The following FAT3 variants were observed in gnomAD, a reference collection of about 807,000 sequenced individuals.
The protein encoded by FAT3 is protocadherin Fat 3.
Under a neutral mutation model 310.2 loss-of-function variants are expected in FAT3, and 95 were observed. The observed-to-expected ratio is 0.31, with a 90% confidence interval of 0.26 to 0.36. The LOEUF (loss-of-function observed/expected upper bound fraction) is 0.36, where lower values mean the gene tolerates loss of function less well. Among genes scored for constraint, FAT3 ranks in the 10% least tolerant of loss-of-function variants. FAT3 has a pLI of 1.00. For missense variants in FAT3, 5,408 were observed against 5,715.6 expected, an observed-to-expected ratio of 0.95 and a Z score of 1.74; for synonymous variants, 2,314 against 2,192.9, an observed-to-expected ratio of 1.06 and a Z score of -1.54.
intron 4 of FAT3, among the ~76,000 whole-genome samples, chr11:92,755,569 G>A (rs1362331365): frequency 1.3e-5 from 2 of 152,070 alleles, no homozygotes; most frequent in East Asian, 3.9e-4. Flanking sequence ...AGTTACATGA[G>A]GTAATATATA....
chr11:92,425,380 C>A (rs1259620581), intron 2 of FAT3, among the ~76,000 whole-genome samples: 1 of 151,822 alleles, frequency 6.6e-6, no homozygotes, highest in Non-Finnish European at 1.5e-5. Context: ...AAGCCACTTC[C>A]TTTTTCTTAT....
At chr11:92,421,894 C>T (rs1950540142) in intron 2 of FAT3, among the ~76,000 whole-genome samples, 1 of 152,146 alleles carries the variant, frequency 6.6e-6, no homozygotes, top group African/African-American at 2.4e-5. Context: ...TTTTTTCCTC[C>T]CTGTTTGACA....
Position 92,271,795 on chromosome 11 carries a change from A to G in FAT3, c.-18+46621A>G, listed in dbSNP as rs143837176. Among the ~76,000 whole-genome samples, 38 of 152,262 alleles carry G rather than the reference A, an allele frequency of 2.5e-4. 1 individual carries two copies. In the East Asian group the frequency reaches 6.8e-3, roughly 27 times the overall value. On this transcript the variant is annotated intron_variant, in intron 1 of 27. Transcript: ENST00000525166. ...TTTGCCCCATTCATCTGAAGAAGCT[A>G]TGCTGCCAGATCCCATCAATCTTTT...
chr11:92,449,410 G>C (rs564473639), intron 2 of FAT3, among the ~76,000 whole-genome samples: 2 of 152,052 alleles, frequency 1.3e-5, no homozygotes, highest in Admixed American at 1.3e-4. Context: ...CAGTGGAATC[G>C]GGTTCCCTAT....
Position 92,891,926 on chromosome 11 carries a change from T to A in FAT3, c.*813T>A, listed in dbSNP as rs1338206284. 6.6e-6 allele frequency: 1 copy of A among 152,208 alleles called. No individual in the cohort carries two copies. Among genetic ancestry groups the A allele is most frequent in the Non-Finnish European group, 1.5e-5 (1 of 68,032 alleles). The allele number at this position is 152,208 out of a possible 1,614,324, so 9.4% of individuals were successfully genotyped here. ...ATATTCCAGTTGGTAAATCTAACAT[T>A]GCTACAGAAGTTGGCTTTGTTCATA... On this transcript the variant is annotated 3_prime_UTR_variant, in exon 28 of 28. Coordinates refer to ENST00000525166, the MANE Select transcript of FAT3 (RefSeq NM_001367949.2).
chr11:92,671,313 G>T (rs935031464), intron 3 of FAT3, among the ~76,000 whole-genome samples: 14 of 152,054 alleles, frequency 9.2e-5, no homozygotes, highest in African/African-American at 3.4e-4. Context: ...CAAAGTGCTG[G>T]AATTACAGGT....
rs543190481 is a variant in FAT3, at chr11:92,752,460, C to T, written c.3670-9396C>T. Among the ~76,000 whole-genome samples, 8 of 152,314 alleles carry T rather than the reference C, an allele frequency of 5.3e-5. No individual in the cohort carries two copies. The East Asian group carries it at 1.2e-3, about 22-fold the overall frequency. On this transcript the variant is annotated intron_variant, in intron 4 of 27. Transcript: ENST00000525166. Reference sequence around the variant, plus strand: ...GTGAGATTGTTGTAACAAAGGAGATCGTGCAGGGCTCTGCATCTCACAGTG... The same window carrying T: ...GTGAGATTGTTGTAACAAAGGAGATTGTGCAGGGCTCTGCATCTCACAGTG...
At chr11:92,371,669 A>G (rs1396712612) in intron 2 of FAT3, among the ~76,000 whole-genome samples, 3 of 152,188 alleles carry the variant, frequency 2.0e-5, no homozygotes, top group African/African-American at 4.8e-5. Context: ...GTAAGCAGAG[A>G]TCGTGCCACT....
chr11:92,822,336 T>C (rs1053304885), intron 13 of FAT3, among the ~76,000 whole-genome samples: 9 of 150,720 alleles, frequency 6.0e-5, no homozygotes, highest in Admixed American at 2.0e-4. Flanking sequence ...AAAAAGCCTC[T>C]GAACTGCTAA....
intron 1 of FAT3, among the ~76,000 whole-genome samples, chr11:92,275,335 C>T (rs1827967450): frequency 6.6e-6 from 1 of 152,044 alleles, no homozygotes; most frequent in African/African-American, 2.4e-5. Context: ...ACACCTTTAC[C>T]ATATGAAATC....
At chr11:92,375,927 A>G (rs1018410870) in intron 2 of FAT3, among the ~76,000 whole-genome samples, 10 of 152,136 alleles carry the variant, frequency 6.6e-5, no homozygotes, top group African/African-American at 2.4e-4. Flanking sequence ...TACTCACAGA[A>G]CTCTTTAAAT....
chr11:92,263,637 G>GTGTA (rs1250235323), intron 1 of FAT3, among the ~76,000 whole-genome samples: 5 of 127,978 alleles, frequency 3.9e-5, no homozygotes, highest in African/African-American at 1.2e-4. Context: ...GTGTGTGTGT[G>GTGTA]TATATATATA....
At chr11:92,344,017 T>C (rs1328091431) in intron 1 of FAT3, among the ~76,000 whole-genome samples, 1 of 152,164 alleles carries the variant, frequency 6.6e-6, no homozygotes, top group Non-Finnish European at 1.5e-5. Context: ...CAAATAGATT[T>C]TTGAAATTGT....
chr11:92,881,612 T>C (rs1949672411), intron 23 of FAT3, among the ~76,000 whole-genome samples: 1 of 150,332 alleles, frequency 6.7e-6, no homozygotes, highest in African/African-American at 2.4e-5. Flanking sequence ...TCCTCACCTC[T>C]ATCTGTTCAA....
At chr11:92,834,129 T>C (rs545121509) in intron 14 of FAT3, among the ~76,000 whole-genome samples, 1 of 152,234 alleles carries the variant, frequency 6.6e-6, no homozygotes, top group African/African-American at 2.4e-5. Context: ...CAGGATTGGG[T>C]TACCTCCCAA....
intron 1 of FAT3, among the ~76,000 whole-genome samples, chr11:92,309,692 A>G (rs1253236674): frequency 6.6e-6 from 1 of 152,066 alleles, no homozygotes; most frequent in Non-Finnish European, 1.5e-5. Flanking sequence ...TGAATGAAGG[A>G]TGGATCAGAC....
intron 2 of FAT3, among the ~76,000 whole-genome samples, chr11:92,475,110 A>T (rs1952012983): frequency 6.6e-6 from 1 of 152,010 alleles, no homozygotes; most frequent in Non-Finnish European, 1.5e-5. Context: ...ATTTTTGCAT[A>T]TGTGTGCCTC....
At chr11:92,258,793 G>C (rs561516584) in intron 1 of FAT3, among the ~76,000 whole-genome samples, 1 of 152,174 alleles carries the variant, frequency 6.6e-6, no homozygotes, top group South Asian at 2.1e-4. Context: ...AAGAGATGCA[G>C]TAGAGGCTGG....
chr11:92,249,698 G>A (rs1302556779), intron 1 of FAT3, among the ~76,000 whole-genome samples: 2 of 152,012 alleles, frequency 1.3e-5, no homozygotes, highest in African/African-American at 4.8e-5. Flanking sequence ...TCAAAAGACA[G>A]TGTCATTATG....
Sources: gnomAD v4.1 joint callset for allele counts (sites outside exome capture counted in the v4.1 genomes callset) on GRCh38, gnomAD v4.1.1 for gene constraint, MANE v1.5 for transcripts, NCBI Gene and HGNC (gene_info 2026-07-23, HGNC 2026-07-21) for gene names.